ADGRA1: variants seen among roughly 807,000 people sequenced by gnomAD.
The protein encoded by ADGRA1 is adhesion G protein-coupled receptor A1.
In ADGRA1, 12 loss-of-function variants were observed where a neutral mutation model predicts 21.3. The observed-to-expected ratio is 0.56, with a 90% CI of 0.36 to 0.91. The LOEUF (loss-of-function observed/expected upper bound fraction) is 0.91, where lower values mean the gene tolerates loss of function less well. Ranked by LOEUF, ADGRA1 falls within the 40% of genes least tolerant of loss-of-function variation. The pLI, the probability that ADGRA1 is intolerant of heterozygous loss-of-function variation, is 0.01. For synonymous variants in ADGRA1, 385 were observed against 368.8 expected, an observed-to-expected ratio of 1.04 and a Z score of -0.50; for missense variants, 790 against 805.6, an observed-to-expected ratio of 0.98 and a Z score of 0.23.
intron 4 of ADGRA1, among the ~76,000 whole-genome samples, chr10:133,098,986 T>C (rs1483643966): frequency 6.6e-6 from 1 of 152,218 alleles, no homozygotes; most frequent in Admixed American, 6.5e-5. Flanking sequence ...GGCGCTAACC[T>C]GACACTTACT....
rs142466405 is a variant in ADGRA1 at position 133,088,153 on chromosome 10, C to A, written c.-203+15C>A. The A allele has an allele frequency of 0.011, 10,824 of 962,752 alleles. 428 individuals are homozygous for A. In the African/African-American group the frequency reaches 0.12, roughly 11 times the overall value. The allele number at this position is 962,752 out of a possible 1,614,324, so 59.6% of individuals were successfully genotyped here. A position where few individuals can be genotyped will look rare whatever the true frequency, so the allele number is the denominator to read the frequency against. ...GGCCACAGCAGGTGGGAAGGACGCG[C>A]GGGTCTGGGCGGCGGGAGGGACGCG... On this transcript the variant is annotated intron_variant, in intron 1 of 6. Coordinates refer to ENST00000392607, the MANE Select transcript of ADGRA1 (RefSeq NM_001083909.3).
At chr10:133,106,793 G>A (rs907334633) in intron 5 of ADGRA1, among the ~76,000 whole-genome samples, 37 of 152,242 alleles carry the variant, frequency 2.4e-4, no homozygotes, top group Admixed American at 2.4e-3. Context: ...CAGATAAAGC[G>A]GAAGGTCATG....
chr10:133,102,939 G>T, intron 5 of ADGRA1, 97 bp downstream of exon 5: 1 of 1,327,942 alleles, frequency 7.5e-7, no homozygotes. Context: ...AGGCCACCAG[G>T]GGCCTGAGGA....
intron 2 of ADGRA1, chr10:133,095,920 G>C (rs1322374492): frequency 3.4e-6 from 4 of 1,163,988 alleles, no homozygotes; most frequent in Non-Finnish European, 4.7e-6. Context: ...CCATGGCGTG[G>C]TCAGAGTGGC....
rs768499312 is a variant in ADGRA1, at chr10:133,127,276, G to A, written c.445G>A (p.Val149Ile). The A allele has an allele frequency of 1.9e-6, 3 of 1,600,250 alleles. No homozygotes were observed. The highest frequency in any genetic ancestry group is 2.2e-5 in the South Asian group (2 of 88,940). ...AGGGGTCCCCTTTATCATCTGTGGGGTCACGGCTGCCACGAACATCAGGAA... is the reference window on the plus strand; with the variant it reads ...AGGGGTCCCCTTTATCATCTGTGGGATCACGGCTGCCACGAACATCAGGAA... The part of the protein sequence containing the change: ...SGGVPFIICG[V>I]TAATNIRNYG... Residue 149 changes from valine (V) to isoleucine (I), a missense_variant, in exon 6 of 7, where the codon GTC becomes ATC. Val to Ile is a conservative substitution (Grantham distance 29). Around this residue, in one of 3 missense-constraint regions of ADGRA1, gnomAD observed 382 missense variants for 415.6 expected, o/e 0.92. Transcript: ENST00000392607.
chr10:133,126,169 G>T (rs1013033496), intron 5 of ADGRA1, among the ~76,000 whole-genome samples: 6 of 152,258 alleles, frequency 3.9e-5, no homozygotes, highest in African/African-American at 1.4e-4. Flanking sequence ...GTGCCTGCAG[G>T]AGTGTCTACT....
At chr10:133,128,274 G>T in intron 6 of ADGRA1, 55 bp from the exon 7 acceptor site, 1 of 1,374,882 alleles carries the variant, frequency 7.3e-7, no homozygotes. Context: ...TGCAGGGGGC[G>T]TCCTGAGTCC....
At chr10:133,113,378 C>T (rs932378150) in intron 5 of ADGRA1, among the ~76,000 whole-genome samples, 6 of 152,260 alleles carry the variant, frequency 3.9e-5, no homozygotes, top group Non-Finnish European at 7.3e-5. Flanking sequence ...TGCCTCGCAG[C>T]CTCCCCAGTG....
intron 5 of ADGRA1, among the ~76,000 whole-genome samples, chr10:133,123,287 C>T (rs1852310483): frequency 1.3e-5 from 2 of 152,248 alleles, no homozygotes; most frequent in Non-Finnish European, 2.9e-5. Context: ...CTTCCGCTCT[C>T]TTCTGGGCCG....
intron 5 of ADGRA1, among the ~76,000 whole-genome samples, chr10:133,121,552 G>A (rs577121724): frequency 2.3e-5 from 3 of 131,618 alleles, no homozygotes; most frequent in African/African-American, 9.3e-5. Context: ...GTGTGTGTGT[G>A]AGTGTGCTTG....
Position 133,129,381 on chromosome 10 carries a change from AG to A in ADGRA1, c.1554del (p.Gln518HisfsTer19). On this transcript the variant is annotated frameshift_variant, in exon 7 of 7. Coordinates refer to ENST00000392607, the MANE Select transcript of ADGRA1 (RefSeq NM_001083909.3). LOFTEE classifies it low-confidence loss of function (END_TRUNC). ...PGHLEMLRRT[Q>X]SLPFGGPSQN... ...CACTTGGAGATGCTGCGGAGGACAC[AG>A]TCCCTGCCCTTTGGTGGCCCCAGCC... The A allele has an allele frequency of 6.2e-7, 1 of 1,604,406 alleles. No homozygotes were observed. The highest frequency in any genetic ancestry group is 8.5e-7 in the Non-Finnish European group (1 of 1,177,786).
intron 6 of ADGRA1, among the ~76,000 whole-genome samples, 177 bp downstream of exon 6, chr10:133,127,508 G>A (rs9419120): frequency 0.021 from 3,123 of 152,090 alleles, 101 homozygotes; most frequent in African/African-American, 0.071. Context: ...AGTGCGCAGC[G>A]CCCCCTCCTC....
intron 5 of ADGRA1, among the ~76,000 whole-genome samples, chr10:133,116,085 C>G (rs954558811): frequency 1.8e-4 from 27 of 151,262 alleles, no homozygotes; most frequent in African/African-American, 5.6e-4. Context: ...CAGGGCTAGA[C>G]GCATGCCTGG....
In ADGRA1 at chr10:133,088,032, G is replaced by A; in HGVS notation, c.-309G>A. ...CTGTTGATAACTCGGTCCCAGCTCG[G>A]CCGCTGCCCTCGCGAATGGAGAGCG... On this transcript the variant is annotated 5_prime_UTR_variant, in exon 1 of 7. Transcript: ENST00000392607. The A allele has an allele frequency of 3.0e-6, 3 of 985,134 alleles. No homozygotes were observed. Among genetic ancestry groups the A allele is most frequent in the Non-Finnish European group, 3.6e-6 (3 of 829,834 alleles). 61.0% of individuals were successfully genotyped at this position (985,134 alleles called of 1,614,324 possible).
chr10:133,104,872 G>T (rs949603633), intron 5 of ADGRA1, among the ~76,000 whole-genome samples: 1 of 152,204 alleles, frequency 6.6e-6, no homozygotes, highest in East Asian at 1.9e-4. Flanking sequence ...GCTGCTGGGG[G>T]ACTGTGCTGG....
At chr10:133,111,995 CTCCA>C in intron 5 of ADGRA1, among the ~76,000 whole-genome samples, 4 of 117,684 alleles carry the variant, frequency 3.4e-5, no homozygotes, top group Middle Eastern at 4.5e-3. Flanking sequence ...CTCCTAATGC[CTCCA>C]GACCACCTGC....
At chr10:133,100,365 G>A (rs1851769126) in intron 4 of ADGRA1, among the ~76,000 whole-genome samples, 1 of 152,250 alleles carries the variant, frequency 6.6e-6, no homozygotes, top group Non-Finnish European at 1.5e-5. Flanking sequence ...TCACCATCAC[G>A]TCTGCACTTT....
At chr10:133,109,915 C>T (rs1422077620) in intron 5 of ADGRA1, among the ~76,000 whole-genome samples, 1 of 152,242 alleles carries the variant, frequency 6.6e-6, no homozygotes, top group Non-Finnish European at 1.5e-5. Context: ...CCCACGGCCT[C>T]TGCACACTCA....
chr10:133,118,211 A>C (rs1852192425), intron 5 of ADGRA1, among the ~76,000 whole-genome samples: 1 of 152,186 alleles, frequency 6.6e-6, no homozygotes, highest in Non-Finnish European at 1.5e-5. Flanking sequence ...AAACCCCTTG[A>C]GGACCAGCGG....
Sources: gnomAD v4.1 joint callset for allele counts (sites outside exome capture counted in the v4.1 genomes callset) on GRCh38, gnomAD v4.1.1 for gene constraint, gnomAD v4.1.1 regional missense constraint, MANE v1.5 for transcripts, NCBI Gene and HGNC (gene_info 2026-07-23, HGNC 2026-07-21) for gene names.